The following PTP4A3 variants were observed in gnomAD, a reference collection of about 807,000 sequenced individuals.
PTP4A3 encodes the protein protein tyrosine phosphatase type IVA 3.
A neutral mutation model predicts 15.2 loss-of-function variants in PTP4A3; 9 were observed. That is an observed-to-expected ratio of 0.59 (90% confidence interval 0.36 to 1.03). The LOEUF (loss-of-function observed/expected upper bound fraction) is 1.03, where lower values mean the gene tolerates loss of function less well. Ranked by LOEUF, PTP4A3 falls within the 50% of genes least tolerant of loss-of-function variation. The pLI, the probability that PTP4A3 is intolerant of heterozygous loss-of-function variation, is 0.02. For missense variants in PTP4A3, 234 were observed against 252.1 expected, an observed-to-expected ratio of 0.93 and a Z score of 0.49; for synonymous variants, 95 against 102.0, an observed-to-expected ratio of 0.93 and a Z score of 0.41.
Position 141,427,044 on chromosome 8 carries a change from G to T in PTP4A3, c.304G>T (p.Val102Leu). Residue 102 changes from valine to leucine, a missense_variant, in exon 4 of 6, where the codon GTG becomes TTG. Val to Leu is a conservative substitution (Grantham distance 32, BLOSUM62 1). Transcript: ENST00000521578. ...TGAGGCCCCCGGCAGCTGCGTGGCT[G>T]TGCACTGCGTGGCGGGCCTGGGCCG... ...FCEAPGSCVA[V>L]HCVAGLGRAP... is the part of the protein sequence containing the mutation. 6.2e-7 allele frequency: 1 copy of T among 1,600,186 alleles called. No individual in the cohort carries two copies. The highest frequency in any genetic ancestry group is 8.5e-7 in the Non-Finnish European group (1 of 1,179,726).
chr8:141,427,505 C>T (rs1049548154), intron 4 of PTP4A3, among the ~76,000 whole-genome samples: 1 of 152,230 alleles, frequency 6.6e-6, no homozygotes, highest in Non-Finnish European at 1.5e-5. Flanking sequence ...GCTCTTAGCA[C>T]TTCACCCGCC....
chr8:141,414,629 G>C lies in PTP4A3; in HGVS notation c.-853-6759G>C, dbSNP rs529897978. Among the ~76,000 whole-genome samples, 85 of 151,882 alleles carry C rather than the reference G, an allele frequency of 5.6e-4. No homozygotes were observed. In the South Asian group the frequency reaches 7.3e-3, roughly 13 times the overall value. On this transcript the variant is annotated intron_variant, in intron 1 of 5. Transcript: ENST00000521578. The stretch of plus-strand genomic sequence containing the variant: ...TGGGAAGAGCCCTGGACTGGGGGGG[G>C]GGTAGGGACTGTTGGGCAGCCCCAG...
At chr8:141,418,629 C>T (rs1271359442) in intron 1 of PTP4A3, among the ~76,000 whole-genome samples, 2 of 152,172 alleles carry the variant, frequency 1.3e-5, no homozygotes, top group African/African-American at 4.8e-5. Context: ...GGCTTGGTAG[C>T]AGGAGGGAAG....
rs371734839 is a variant in PTP4A3 at position 141,427,530 on chromosome 8, C to T, written c.330-220C>T. ...CTTCACCCGCCAGCTCTTATTTAAC[C>T]CTCCCCCAGCAGATCACAGAGAGGT... is the stretch of plus-strand genomic sequence containing the variant. On this transcript the variant is annotated intron_variant, in intron 4 of 5. Transcript: ENST00000521578. 6.9e-4 allele frequency among the ~76,000 whole-genome samples: 105 copies of T among 152,310 alleles called. No individual in the cohort carries two copies. In the Middle Eastern group the frequency reaches 0.014, roughly 20 times the overall value.
chr8:141,406,347 C>T lies in PTP4A3; in HGVS notation c.-854+14263C>T, dbSNP rs562573709. ...GGACTGGGGATTGTGGAGGCCTGTC[C>T]GTGCCCTGAAGCACTTCTGAGAAGC... On this transcript the variant is annotated intron_variant, in intron 1 of 5. Transcript: ENST00000521578. The surrounding 1 kb of genome is among the most constrained non-coding windows in gnomAD (Gnocchi z 4.5). Among the ~76,000 whole-genome samples the T allele has an allele frequency of 2.6e-5, 4 of 152,202 alleles. No homozygotes were observed. Among genetic ancestry groups the T allele is most frequent in the South Asian group, 4.1e-4 (2 of 4,824 alleles).
chr8:141,422,422 C>A, intron 2 of PTP4A3, 77 bp downstream of exon 2: 2 of 1,514,414 alleles, frequency 1.3e-6, no homozygotes, highest in South Asian at 1.1e-5. Flanking sequence ...TCAGGCCTCG[C>A]AAGAGGGGTC....
rs111588495 is a variant in PTP4A3, at chr8:141,422,113, C to G, written c.-128C>G. ...GGTATGGGGGTGGGTTTTTAAATCT[C>G]GTTTCTCTTGGACAAGCACAGGGAT... On this transcript the variant is annotated 5_prime_UTR_variant, in exon 2 of 6. Coordinates refer to ENST00000521578, the MANE Select transcript of PTP4A3 (RefSeq NM_032611.3). The G allele has an allele frequency of 1.1e-6, 1 of 881,248 alleles. No homozygotes were observed. The allele number at this position is 881,248 out of a possible 1,614,324, so 54.6% of individuals were successfully genotyped here.
At chr8:141,430,585 T>A (rs1833823685) in intron 5 of PTP4A3, among the ~76,000 whole-genome samples, 1 of 152,132 alleles carries the variant, frequency 6.6e-6, no homozygotes, top group Admixed American at 6.5e-5. Flanking sequence ...CCTTCCTGGA[T>A]GGTGGAGGTG....
chr8:141,429,951 A>G lies in PTP4A3; in HGVS notation c.405-976A>G, dbSNP rs71513629. Among the ~76,000 whole-genome samples the G allele has an allele frequency of 2.5e-4, 20 of 78,778 alleles. 2 individuals are homozygous for G. The highest frequency in any genetic ancestry group is 4.7e-4 in the Non-Finnish European group (17 of 36,076). The allele number at this position is 78,778 out of a possible 152,430, so 51.7% of individuals were successfully genotyped here. ...CCGCTGTAAGGACCTGGTGGCGGGGACAGGGTGAGCGCACAGCCCACGTCC... is the reference window on the plus strand; with the variant it reads ...CCGCTGTAAGGACCTGGTGGCGGGGGCAGGGTGAGCGCACAGCCCACGTCC... On this transcript the variant is annotated intron_variant, in intron 5 of 5. Coordinates refer to ENST00000521578, the MANE Select transcript of PTP4A3 (RefSeq NM_032611.3).
At chr8:141,427,701 A>G in intron 4 of PTP4A3, 49 bp from the exon 5 acceptor site, 1 of 1,486,012 alleles carries the variant, frequency 6.7e-7, no homozygotes, top group Admixed American at 2.0e-5. Context: ...TGCCAAGGGG[A>G]CAGGGGTGCG....
At chr8:141,427,703 A>G (rs1286251541) in intron 4 of PTP4A3, 47 bp from the exon 5 acceptor site, 7 of 1,498,140 alleles carry the variant, frequency 4.7e-6, no homozygotes, top group Admixed American at 2.0e-5. Context: ...CCAAGGGGAC[A>G]GGGGTGCGCA....
intron 1 of PTP4A3, among the ~76,000 whole-genome samples, chr8:141,394,624 A>G (rs780510120): frequency 1.4e-4 from 21 of 152,158 alleles, no homozygotes; most frequent in Non-Finnish European, 2.4e-4. Context: ...CACCTGTAAA[A>G]TGGGAGCAAT....
At chr8:141,397,359 A>G (rs1480045920) in intron 1 of PTP4A3, among the ~76,000 whole-genome samples, 1 of 145,366 alleles carries the variant, frequency 6.9e-6, no homozygotes, top group African/African-American at 2.5e-5. Flanking sequence ...AGTGACCTGA[A>G]TGGAGCCCCC....
At chr8:141,403,320 G>T (rs1832643660) in intron 1 of PTP4A3, among the ~76,000 whole-genome samples, 2 of 152,238 alleles carry the variant, frequency 1.3e-5, no homozygotes, top group African/African-American at 4.8e-5. Context: ...ATGCTGCTGA[G>T]ATGGGAGAAT....
chr8:141,407,920 C>G (rs1316267889), intron 1 of PTP4A3, among the ~76,000 whole-genome samples: 3 of 152,134 alleles, frequency 2.0e-5, no homozygotes, highest in Admixed American at 6.5e-5. Context: ...TGTTGTTGTT[C>G]ATCAGCCATC....
chr8:141,412,232 G>A (rs1367948403), intron 1 of PTP4A3, among the ~76,000 whole-genome samples: 1 of 152,210 alleles, frequency 6.6e-6, no homozygotes, highest in East Asian at 1.9e-4. Flanking sequence ...TGGGTATGGT[G>A]GAAGTGGCCC....
intron 1 of PTP4A3, among the ~76,000 whole-genome samples, chr8:141,403,442 T>G (rs772716927): frequency 2.6e-5 from 4 of 152,204 alleles, no homozygotes; most frequent in African/African-American, 9.6e-5. Flanking sequence ...CTGGGCATGG[T>G]GTACAGTAAG....
Position 141,432,192 on chromosome 8 carries a change from C to T in PTP4A3, c.*1148C>T, listed in dbSNP as rs1833903058. On this transcript the variant is annotated 3_prime_UTR_variant, in exon 6 of 6. Transcript: ENST00000521578. ...TGGAGAGCCTGGGAGTGGTCTCCGT[C>T]CTGGGGCCCCAGGAGGTTCCCGCAA... The T allele has an allele frequency of 6.6e-6, 1 of 151,980 alleles. No homozygotes were observed. Among genetic ancestry groups the T allele is most frequent in the Non-Finnish European group, 1.5e-5 (1 of 68,002 alleles). The allele number at this position is 151,980 out of a possible 1,614,324, so 9.4% of individuals were successfully genotyped here.
chr8:141,413,313 G>A (rs1277094848), intron 1 of PTP4A3, among the ~76,000 whole-genome samples: 11 of 152,340 alleles, frequency 7.2e-5, no homozygotes. Flanking sequence ...ATGCCCTCCG[G>A]GACACCATGC....
Sources: gnomAD v4.1 joint callset for allele counts (sites outside exome capture counted in the v4.1 genomes callset) on GRCh38, gnomAD v4.1.1 for gene constraint, Gnocchi (gnomAD v3.1) non-coding constraint, MANE v1.5 for transcripts, NCBI Gene and HGNC (gene_info 2026-07-23, HGNC 2026-07-21) for gene names.